The following GRIA3 variants were observed in gnomAD, a reference collection of about 807,000 sequenced individuals.
The protein encoded by GRIA3 is glutamate receptor 3.
GRIA3 carries 3 observed loss-of-function variants against 63.0 expected under a neutral mutation model. The observed-to-expected ratio is 0.05, with a 90% CI of 0.02 to 0.12. The LOEUF (loss-of-function observed/expected upper bound fraction) is 0.12. Ranked by LOEUF, GRIA3 falls within the 10% of genes least tolerant of loss-of-function variation. The pLI, the probability that GRIA3 is intolerant of heterozygous loss-of-function variation, is 1.00. For synonymous variants in GRIA3, 274 were observed against 257.9 expected (o/e 1.06, Z -0.60); for missense variants, 347 against 700.9 (o/e 0.50, Z 5.70).
At chrX:123,338,793 G>A (rs777595851) in intron 4 of GRIA3, among the ~76,000 whole-genome samples, 9 of 111,687 alleles carry the variant, frequency 8.1e-5, no homozygotes, top group East Asian at 5.6e-4. Flanking sequence ...CTCGTGATCC[G>A]CCTGCCTCGG....
At chrX:123,238,524 T>C (rs2044312879) in intron 2 of GRIA3, among the ~76,000 whole-genome samples, 1 of 111,928 alleles carries the variant, frequency 8.9e-6, no homozygotes, top group South Asian at 3.7e-4. Context: ...ATAACACATA[T>C]GCATGTATTT....
At chrX:123,324,043 TG>T (rs746921240) in intron 3 of GRIA3, among the ~76,000 whole-genome samples, 1 of 111,799 alleles carries the variant, frequency 8.9e-6, no homozygotes, top group Non-Finnish European at 1.9e-5. Flanking sequence ...CTTGTCATCA[TG>T]CCATAAAAGT....
At chrX:123,369,319 C>T (rs781773782) in intron 5 of GRIA3, among the ~76,000 whole-genome samples, 2 of 112,166 alleles carry the variant, frequency 1.8e-5, no homozygotes, top group Non-Finnish European at 3.8e-5. Flanking sequence ...CAACCTCTGT[C>T]CCATAGGCAA....
chrX:123,223,203 C>T lies in GRIA3; in HGVS notation c.269-30100C>T, dbSNP rs1342492490. On this transcript the variant is annotated intron_variant, in intron 2 of 15. Transcript: ENST00000620443. ...TTTCATGGCACTGAGCCTGCCTATT[C>T]CATTCGGCCCTTTGTCAAGAATGTC... 2.7e-5 allele frequency among the ~76,000 whole-genome samples: 3 copies of T among 112,765 alleles called. No homozygotes were observed. In the Admixed American group the frequency reaches 2.8e-4, roughly 11 times the overall value.
chrX:123,460,163 C>T (rs1425484200), intron 12 of GRIA3, among the ~76,000 whole-genome samples: 1 of 112,382 alleles, frequency 8.9e-6, no homozygotes, highest in Non-Finnish European at 1.9e-5. Context: ...CCTGTATCAG[C>T]AATCAAAGAG....
intron 2 of GRIA3, among the ~76,000 whole-genome samples, chrX:123,186,258 C>T (rs1927271515): frequency 9.0e-6 from 1 of 110,658 alleles, no homozygotes; most frequent in African/African-American, 3.3e-5. Flanking sequence ...CCATGCTAAC[C>T]TAGTGTGTTC....
Position 123,414,826 on chromosome X carries a change from G to C in GRIA3, c.1501-2576G>C, listed in dbSNP as rs191492681. Among the ~76,000 whole-genome samples, 359 of 111,005 alleles carry C rather than the reference G, an allele frequency of 3.2e-3. 2 individuals are homozygous for C. The highest frequency in any genetic ancestry group is 0.011 in the African/African-American group (347 of 30,464). ...TTTCTTAATCCAGTCTATCATTGAT[G>C]GACATTTGGGTTGGTTCCAAGTCTT... On this transcript the variant is annotated intron_variant, in intron 10 of 15. Coordinates refer to ENST00000620443, the MANE Select transcript of GRIA3 (RefSeq NM_007325.5).
intron 2 of GRIA3, among the ~76,000 whole-genome samples, chrX:123,229,929 T>C (rs955942193): frequency 8.9e-6 from 1 of 111,956 alleles, no homozygotes; most frequent in East Asian, 2.8e-4. Flanking sequence ...TGATGCAAAA[T>C]ATGTGTGCCA....
At chrX:123,369,969 T>C (rs1346554394) in intron 5 of GRIA3, among the ~76,000 whole-genome samples, 1 of 111,778 alleles carries the variant, frequency 8.9e-6, no homozygotes, top group Non-Finnish European at 1.9e-5. Flanking sequence ...ATTCTACCAG[T>C]GACCTTAATC....
chrX:123,297,612 C>T (rs1368720425), intron 3 of GRIA3, among the ~76,000 whole-genome samples: 1 of 111,726 alleles, frequency 9.0e-6, no homozygotes, highest in Non-Finnish European at 1.9e-5. Context: ...CACATTAATT[C>T]GATGAGTTAG....
intron 5 of GRIA3, among the ~76,000 whole-genome samples, chrX:123,363,235 A>G (rs1396313675): frequency 4.5e-5 from 5 of 111,651 alleles, no homozygotes; most frequent in Non-Finnish European, 9.4e-5. Context: ...TATCTTTCCT[A>G]TAGGCAAGCC....
intron 5 of GRIA3, among the ~76,000 whole-genome samples, chrX:123,364,302 T>C (rs981541482): frequency 4.5e-5 from 5 of 111,641 alleles, no homozygotes; most frequent in African/African-American, 1.3e-4. Context: ...TGGGAAGTCA[T>C]GCAATAATAA....
chrX:123,458,995 T>A (rs2147426099), intron 12 of GRIA3, among the ~76,000 whole-genome samples: 1 of 111,929 alleles, frequency 8.9e-6, no homozygotes, highest in South Asian at 3.7e-4. Context: ...TAAAATAAAT[T>A]CTGTCAGTAA....
chrX:123,372,958 T>C (rs769674587), intron 5 of GRIA3, among the ~76,000 whole-genome samples: 1 of 109,434 alleles, frequency 9.1e-6, no homozygotes, highest in Non-Finnish European at 1.9e-5. Flanking sequence ...GTTGGTGTGC[T>C]GCACCCATTA....
chrX:123,456,959 T>C (rs1401050004), intron 12 of GRIA3, among the ~76,000 whole-genome samples: 1 of 111,422 alleles, frequency 9.0e-6, no homozygotes, highest in Non-Finnish European at 1.9e-5. Flanking sequence ...GGACGCTAAA[T>C]AATTCAGAAG....
At chrX:123,345,428 C>T (rs1378080180) in intron 4 of GRIA3, among the ~76,000 whole-genome samples, 1 of 92,566 alleles carries the variant, frequency 1.1e-5, no homozygotes, top group Non-Finnish European at 2.1e-5. Flanking sequence ...TGAGTGGGAG[C>T]CCCCCTTCAC....
At chrX:123,271,434 T>C (rs1044219752) in intron 3 of GRIA3, among the ~76,000 whole-genome samples, 3 of 112,012 alleles carry the variant, frequency 2.7e-5, no homozygotes, top group African/African-American at 9.7e-5. Context: ...AGAGGGTAAG[T>C]GATTTGTCCA....
At chrX:123,428,517 T>C (rs1451489274) in intron 12 of GRIA3, among the ~76,000 whole-genome samples, 1 of 111,888 alleles carries the variant, frequency 8.9e-6, no homozygotes, top group African/African-American at 3.2e-5. Context: ...ACAAAAGCAG[T>C]GCTTTTATGT....
At chrX:123,323,249 T>C (rs755329062) in intron 3 of GRIA3, among the ~76,000 whole-genome samples, 40 of 111,894 alleles carry the variant, frequency 3.6e-4, no homozygotes, top group Non-Finnish European at 7.2e-4. Flanking sequence ...TATAGTTTCT[T>C]TACAAAATAG....
Sources: allele counts gnomAD v4.1 joint callset (sites outside exome capture counted in the v4.1 genomes callset), GRCh38; gene constraint gnomAD v4.1.1; transcripts MANE v1.5; gene names NCBI Gene and HGNC (gene_info 2026-07-23, HGNC 2026-07-21).